The following ALG8 variants were observed in gnomAD, a reference collection of about 807,000 sequenced individuals.
ALG8 encodes dolichyl pyrophosphate Glc1Man9GlcNAc2 alpha-1,3-glucosyltransferase.
Under a neutral mutation model 70.2 loss-of-function variants are expected in ALG8, and 48 were observed. The observed-to-expected ratio is 0.68, with a 90% confidence interval of 0.54 to 0.87. The LOEUF is 0.87. ALG8 is among the 40% of genes least tolerant of loss of function. The pLI, the probability that ALG8 is intolerant of heterozygous loss-of-function variation, is 0.00. For synonymous variants in ALG8, 234 were observed against 229.0 expected (o/e 1.02, Z -0.20); for missense variants, 572 against 608.7 (o/e 0.94, Z 0.64).
chr11:78,132,412 A>G (rs1253097974), intron 1 of ALG8, among the ~76,000 whole-genome samples: 1 of 152,084 alleles, frequency 6.6e-6, no homozygotes, highest in East Asian at 1.9e-4. Flanking sequence ...GCCTCCTCCA[A>G]TCATTTATAT....
At position 78,139,575 on chromosome 11, in the gene ALG8, G is replaced by A; in HGVS notation, c.14C>T (p.Thr5Ile). The A allele has an allele frequency of 6.4e-7, 1 of 1,556,762 alleles. No homozygotes were observed. Among genetic ancestry groups the A allele is most frequent in the Non-Finnish European group, 8.7e-7 (1 of 1,149,726 alleles). ...CCAATTGCCAGTACCCGTGGCAATT[G>A]TGAGCGCCGCCATTGCTGCGGCACC... MAALTIATGTGNWFS... is the reference protein window; with the variant it reads MAALIIATGTGNWFS... The change falls in exon 1 of 13, where the codon ACA (threonine) becomes ATA (isoleucine). Residue 5 changes from threonine (T) to isoleucine (I), a missense_variant. Thr to Ile is a moderately conservative substitution (Grantham distance 89, BLOSUM62 -1). Transcript: ENST00000299626.
chr11:78,106,735 G>A, intron 10 of ALG8, 72 bp downstream of exon 10: 1 of 1,595,030 alleles, frequency 6.3e-7, no homozygotes, highest in Non-Finnish European at 8.6e-7. Flanking sequence ...TGACAAGAAG[G>A]GACAGAGCAA....
intron 1 of ALG8, among the ~76,000 whole-genome samples, chr11:78,129,292 C>T (rs867773779): frequency 1.2e-4 from 18 of 151,726 alleles, no homozygotes; most frequent in African/African-American, 3.9e-4. Flanking sequence ...TGGTGGTGGG[C>T]GCCTGTAGTC....
At chr11:78,115,418 T>C (rs1345370048) in intron 5 of ALG8, among the ~76,000 whole-genome samples, 1 of 151,394 alleles carries the variant, frequency 6.6e-6, no homozygotes, top group Non-Finnish European at 1.5e-5. Flanking sequence ...AGTTTTGTTC[T>C]TGTTGCCCAG....
chr11:78,139,609 C>A lies in ALG8; in HGVS notation c.-21G>T, dbSNP rs1231731381. The stretch of plus-strand genomic sequence containing the variant: ...GCCATTGCTGCGGCACCGCACGCTT[C>A]CCACCAACTTGATCCACATCCGGGA... On this transcript the variant is annotated 5_prime_UTR_variant, in exon 1 of 13. Transcript: ENST00000299626. 6.4e-7 allele frequency: 1 copy of A among 1,550,926 alleles called. No individual in the cohort carries two copies. Among genetic ancestry groups the A allele is most frequent in the East Asian group, 2.4e-5 (1 of 40,970 alleles).
At position 78,113,954 on chromosome 11, in the gene ALG8, G is replaced by A. The variant is rs1860438379; in HGVS notation, c.709C>T (p.Arg237Cys). Residue 237 changes from arginine to cysteine, a missense_variant, in exon 7 of 13, where the codon CGT becomes TGT. Arg to Cys is a radical substitution (Grantham distance 180). Coordinates refer to ENST00000299626, the MANE Select transcript of ALG8 (RefSeq NM_024079.5). ...ACAACCAGTCCCAGGGAAATAACAC[G>A]AACAAAGCTGAAACTCTTCCATCGA... The part of the protein sequence containing the change: ...SIRWKSFSFV[R>C]VISLGLVVFL... The A allele has an allele frequency of 3.7e-6, 6 of 1,601,780 alleles. No individual in the cohort carries two copies. Among genetic ancestry groups the A allele is most frequent in the Admixed American group, 1.7e-5 (1 of 58,570 alleles).
At chr11:78,101,343 T>C in intron 12 of ALG8, 148 bp from the exon 13 acceptor site, 1 of 743,440 alleles carries the variant, frequency 1.3e-6, no homozygotes, top group South Asian at 1.7e-5. Flanking sequence ...AATTTCACAT[T>C]TAGGGCCAAG....
intron 5 of ALG8, among the ~76,000 whole-genome samples, chr11:78,116,557 A>G (rs777807341): frequency 1.3e-5 from 2 of 152,048 alleles, no homozygotes; most frequent in Non-Finnish European, 2.9e-5. Context: ...GTCTCTAGTA[A>G]AAATACAAAA....
In ALG8 at chr11:78,119,236, C is replaced by T; in HGVS notation, c.492G>A (p.Gln164=). Residue 164 remains glutamine, a synonymous_variant, in exon 5 of 13, where the codon CAG becomes CAA. Transcript: ENST00000299626. ...GLLIVDHIHF[Q]YNGFLFGLML... ...TTAATCCAAATAAAAAGCCATTGTACTGAAAATGAATATCTGGACTTAGGT... is the reference window on the plus strand; with the variant it reads ...TTAATCCAAATAAAAAGCCATTGTATTGAAAATGAATATCTGGACTTAGGT... The T allele has an allele frequency of 6.2e-7, 1 of 1,611,310 alleles. No individual in the cohort carries two copies. The highest frequency in any genetic ancestry group is 1.1e-5 in the South Asian group (1 of 91,022).
At chr11:78,132,346 A>T in intron 1 of ALG8, among the ~76,000 whole-genome samples, 1 of 152,172 alleles carries the variant, frequency 6.6e-6, no homozygotes, top group South Asian at 2.1e-4. Context: ...TCAAGTCAGC[A>T]TCTTCTCTCA....
intron 10 of ALG8, 164 bp from the exon 11 acceptor site, chr11:78,104,617 A>C (rs1859937005): frequency 3.2e-6 from 2 of 627,764 alleles, no homozygotes; most frequent in Non-Finnish European, 5.5e-6. Context: ...TTTAGTAGGA[A>C]ATTTTAAGCA....
Position 78,109,572 on chromosome 11 carries a change from A to T in ALG8, c.908T>A (p.Leu303Ter). The T allele has an allele frequency of 6.2e-7, 1 of 1,614,028 alleles. No individual in the cohort carries two copies. The highest frequency in any genetic ancestry group is 1.1e-5 in the South Asian group (1 of 91,076). Residue 303 changes from leucine (L) to a stop codon, truncating the protein, a stop_gained, in exon 9 of 13, where the codon TTG (leucine) becomes TAG (stop). Transcript: ENST00000299626. LOFTEE classifies it high-confidence loss of function. ...AATATTGTTGGGATCAAGAAATTTC[A>T]ATTTCAAACCTATTAAACAGATATT... ...DKVLSVIGLK[L>*]KFLDPNNIPK...
chr11:78,112,420 G>T, intron 8 of ALG8: 1 of 498,704 alleles, frequency 2.0e-6, no homozygotes, highest in African/African-American at 2.0e-5. Flanking sequence ...CCCCAGGAAA[G>T]GATCAATAAC....
At chr11:78,101,314 C>CAAGGTCAATTATTATAGCCA (rs1242951830) in intron 12 of ALG8, 119 bp from the exon 13 acceptor site, 28 of 845,482 alleles carry the variant, frequency 3.3e-5, no homozygotes, top group Non-Finnish European at 4.6e-5. Flanking sequence ...TAGCCAAGGC[C>CAAGGTCAATTATTATAGCCA]AGAGTCAAGA....
At chr11:78,105,808 A>C (rs1391732869) in intron 10 of ALG8, among the ~76,000 whole-genome samples, 1 of 151,872 alleles carries the variant, frequency 6.6e-6, no homozygotes, top group Non-Finnish European at 1.5e-5. Flanking sequence ...TCCCAGGTTC[A>C]AAGGATCTTC....
At chr11:78,115,084 G>A (rs534013222) in intron 5 of ALG8, among the ~76,000 whole-genome samples, 1 of 152,294 alleles carries the variant, frequency 6.6e-6, no homozygotes, top group South Asian at 2.1e-4. Context: ...CCAGGCTGAA[G>A]TGCAGTGGCA....
At chr11:78,113,806 C>T in intron 7 of ALG8, 80 bp downstream of exon 7, 1 of 1,064,878 alleles carries the variant, frequency 9.4e-7, no homozygotes, top group Non-Finnish European at 1.3e-6. Flanking sequence ...ACTTATTTTA[C>T]ATATTCCTGG....
At chr11:78,117,906 C>T (rs1860648546) in intron 5 of ALG8, among the ~76,000 whole-genome samples, 1 of 151,602 alleles carries the variant, frequency 6.6e-6, no homozygotes, top group Non-Finnish European at 1.5e-5. Flanking sequence ...TCCGTCTCTA[C>T]TAAAAATACA....
At chr11:78,123,960 T>C in intron 3 of ALG8, 61 bp downstream of exon 3, 1 of 1,565,038 alleles carries the variant, frequency 6.4e-7, no homozygotes, top group South Asian at 1.1e-5. Flanking sequence ...AAGTTAATAC[T>C]ACTTAACACT....
Sources: gnomAD v4.1 joint callset for allele counts (sites outside exome capture counted in the v4.1 genomes callset) on GRCh38, gnomAD v4.1.1 for gene constraint, MANE v1.5 for transcripts, NCBI Gene and HGNC (gene_info 2026-07-23, HGNC 2026-07-21) for gene names.